The following CSMD1 variants were observed in gnomAD, a reference collection of about 807,000 sequenced individuals.
The protein encoded by CSMD1 is CUB and Sushi multiple domains 1.
A neutral mutation model predicts 417.5 loss-of-function variants in CSMD1; 213 were observed. The ratio of observed to expected loss-of-function variants is 0.51; its 90% confidence interval spans 0.46 to 0.57. The LOEUF (loss-of-function observed/expected upper bound fraction) is 0.57. Ranked by LOEUF, CSMD1 falls within the 20% of genes least tolerant of loss-of-function variation. The pLI, the probability that CSMD1 is intolerant of heterozygous loss-of-function variation, is 0.00. For missense variants in CSMD1, 6,923 were observed against 4,529.7 expected, an observed-to-expected ratio of 1.53 and a Z score of -15.17; for synonymous variants, 2,862 against 1,736.8, an observed-to-expected ratio of 1.65 and a Z score of -16.11.
intron 5 of CSMD1, among the ~76,000 whole-genome samples, chr8:3,791,786 G>A (rs1799756416): frequency 1.3e-5 from 2 of 152,058 alleles, no homozygotes; most frequent in African/African-American, 2.4e-5. Flanking sequence ...TCGCAGCACT[G>A]CACTCCAGCC....
chr8:4,082,578 C>T (rs1800195892), intron 3 of CSMD1, among the ~76,000 whole-genome samples: 1 of 151,562 alleles, frequency 6.6e-6, no homozygotes. Context: ...TCATTATGAG[C>T]CTAGAAGAAA....
At chr8:3,805,066 G>T (rs533456844) in intron 5 of CSMD1, among the ~76,000 whole-genome samples, 6 of 151,348 alleles carry the variant, frequency 4.0e-5, no homozygotes, top group Non-Finnish European at 8.9e-5. Context: ...TAGGCACAGA[G>T]AATTAGAATA....
chr8:4,039,562 T>G (rs886458521), intron 3 of CSMD1, among the ~76,000 whole-genome samples: 1 of 151,998 alleles, frequency 6.6e-6, no homozygotes, highest in Non-Finnish European at 1.5e-5. Flanking sequence ...TCCCAGGAGG[T>G]GGCAGTCATT....
At chr8:2,967,221 G>A (rs912528044) in intron 57 of CSMD1, among the ~76,000 whole-genome samples, 7 of 152,112 alleles carry the variant, frequency 4.6e-5, no homozygotes, top group African/African-American at 1.7e-4. Flanking sequence ...TACATCTCCA[G>A]GAGAATTCAC....
intron 1 of CSMD1, among the ~76,000 whole-genome samples, chr8:4,660,703 G>A (rs986304592): frequency 2.0e-5 from 3 of 151,488 alleles, no homozygotes; most frequent in African/African-American, 7.3e-5. Context: ...ACAGACCGCA[G>A]AAAGTATTTG....
In CSMD1 at chr8:3,801,737, G is replaced by C. The variant is rs114788211; in HGVS notation, c.819-47695C>G. On this transcript the variant is annotated intron_variant, in intron 5 of 69. Coordinates refer to ENST00000635120, the MANE Select transcript of CSMD1 (RefSeq NM_033225.6). ...GAAACAATTCAAGCATTCACCAACTGATGACTCTGGACAAACTAATATAGC... is the reference window on the plus strand; with the variant it reads ...GAAACAATTCAAGCATTCACCAACTCATGACTCTGGACAAACTAATATAGC... Among the ~76,000 whole-genome samples the C allele has an allele frequency of 1.9e-3, 295 of 152,230 alleles. 1 individual carries two copies. The highest frequency in any genetic ancestry group is 6.6e-3 in the African/African-American group (273 of 41,548).
chr8:3,877,364 C>G (rs983352808), intron 5 of CSMD1, among the ~76,000 whole-genome samples: 1 of 152,178 alleles, frequency 6.6e-6, no homozygotes, highest in Non-Finnish European at 1.5e-5. Context: ...TCTTCCATGG[C>G]TACCTGCCAG....
chr8:3,152,614 C>T (rs994068704), intron 39 of CSMD1, among the ~76,000 whole-genome samples: 18 of 152,076 alleles, frequency 1.2e-4, no homozygotes, highest in African/African-American at 4.3e-4. Context: ...AGCCAGGGCA[C>T]CATATTCTGG....
intron 7 of CSMD1, among the ~76,000 whole-genome samples, chr8:3,698,688 A>G (rs1393066573): frequency 6.6e-6 from 1 of 152,230 alleles, no homozygotes; most frequent in Admixed American, 6.5e-5. Context: ...GTATTCCTTA[A>G]TAATATTATT....
At chr8:3,562,217 T>C (rs1209706450) in intron 10 of CSMD1, among the ~76,000 whole-genome samples, 1 of 152,078 alleles carries the variant, frequency 6.6e-6, no homozygotes, top group Non-Finnish European at 1.5e-5. Context: ...TGATGTAGAA[T>C]AGAGATTTGT....
intron 3 of CSMD1, among the ~76,000 whole-genome samples, chr8:4,350,622 C>A (rs1801037112): frequency 6.6e-6 from 1 of 152,146 alleles, no homozygotes; most frequent in Admixed American, 6.5e-5. Context: ...CTGACCTGGG[C>A]AATGGGCTAG....
At chr8:4,841,087 C>G (rs1800812528) in intron 1 of CSMD1, among the ~76,000 whole-genome samples, 1 of 152,212 alleles carries the variant, frequency 6.6e-6, no homozygotes, top group African/African-American at 2.4e-5. Context: ...AGCACCTGCT[C>G]TAAAGGATCT....
chr8:3,040,860 A>C (rs954560261), intron 50 of CSMD1, among the ~76,000 whole-genome samples: 3 of 152,196 alleles, frequency 2.0e-5, no homozygotes, highest in Admixed American at 6.5e-5. Context: ...TGTCGAAAAT[A>C]ATCTGTTAGA....
rs146109892 is a variant in CSMD1, at chr8:3,442,951, T to C, written c.1561+25761A>G. ...TGTGTAGAATTGCTGTCAATTTTTCTTTAAACATGGTTTTATTAATTTAAA... is the reference window on the plus strand; with the variant it reads ...TGTGTAGAATTGCTGTCAATTTTTCCTTAAACATGGTTTTATTAATTTAAA... On this transcript the variant is annotated intron_variant, in intron 12 of 69. Transcript: ENST00000635120. 7.6e-3 allele frequency among the ~76,000 whole-genome samples: 1,164 copies of C among 152,348 alleles called. 15 individuals are homozygous for C. Among genetic ancestry groups the C allele is most frequent in the African/African-American group, 0.027 (1,102 of 41,572 alleles).
At chr8:3,758,568 G>A (rs915725074) in intron 5 of CSMD1, among the ~76,000 whole-genome samples, 2 of 152,140 alleles carry the variant, frequency 1.3e-5, no homozygotes, top group African/African-American at 4.8e-5. Context: ...AAACTCAGTT[G>A]TTTCTTCATT....
intron 2 of CSMD1, among the ~76,000 whole-genome samples, chr8:4,584,732 C>T (rs1034229439): frequency 1.3e-5 from 2 of 152,144 alleles, no homozygotes; most frequent in Admixed American, 6.5e-5. Context: ...GACCCTTGCC[C>T]TCTGGGTCCT....
At chr8:3,060,109 G>C (rs1275592845) in intron 49 of CSMD1, among the ~76,000 whole-genome samples, 1 of 151,426 alleles carries the variant, frequency 6.6e-6, no homozygotes, top group Non-Finnish European at 1.5e-5. Flanking sequence ...AGATTACATA[G>C]CTAAGACTAT....
At chr8:4,440,527 G>C (rs575887605) in intron 2 of CSMD1, among the ~76,000 whole-genome samples, 1 of 152,086 alleles carries the variant, frequency 6.6e-6, no homozygotes, top group Non-Finnish European at 1.5e-5. Flanking sequence ...ATAAAGACAT[G>C]TACAGATAAC....
chr8:4,210,215 C>T (rs951917067), intron 3 of CSMD1, among the ~76,000 whole-genome samples: 4 of 152,196 alleles, frequency 2.6e-5, no homozygotes, highest in African/African-American at 4.8e-5. Flanking sequence ...CCCAAGCCAG[C>T]ATGCTGGGCA....
Sources: allele counts gnomAD v4.1 joint callset (sites outside exome capture counted in the v4.1 genomes callset), GRCh38; gene constraint gnomAD v4.1.1; transcripts MANE v1.5; gene names NCBI Gene and HGNC (gene_info 2026-07-23, HGNC 2026-07-21).